The following SLC16A12 variants were observed in gnomAD, a reference collection of about 807,000 sequenced individuals.
SLC16A12 encodes monocarboxylate transporter 12.
In SLC16A12, 17 loss-of-function variants were observed where a neutral mutation model predicts 42.4. That is an observed-to-expected ratio of 0.40 (90% CI 0.27 to 0.60). The LOEUF (loss-of-function observed/expected upper bound fraction) is 0.60, where lower values mean the gene tolerates loss of function less well. Among genes scored for constraint, SLC16A12 ranks in the 20% least tolerant of loss-of-function variants. SLC16A12 has a pLI of 0.42. For missense variants in SLC16A12, 544 were observed against 623.0 expected (o/e 0.87, Z 1.35); for synonymous variants, 224 against 229.4 (o/e 0.98, Z 0.21).
At chr10:89,541,264 T>C (rs1045910053) in intron 2 of SLC16A12, among the ~76,000 whole-genome samples, 1 of 151,922 alleles carries the variant, frequency 6.6e-6, no homozygotes, top group African/African-American at 2.4e-5. Flanking sequence ...GCCTCAGATT[T>C]CTCATCTATA....
chr10:89,505,833 G>A (rs1843052145), intron 2 of SLC16A12, among the ~76,000 whole-genome samples: 1 of 152,210 alleles, frequency 6.6e-6, no homozygotes, highest in Non-Finnish European at 1.5e-5. Flanking sequence ...AGATCCATTG[G>A]CTTGAAATTC....
Position 89,462,380 on chromosome 10 carries a change from T to C in SLC16A12, c.199A>G (p.Arg67Gly). The C allele has an allele frequency of 6.2e-7, 1 of 1,614,010 alleles. No individual in the cohort carries two copies. Among genetic ancestry groups the C allele is most frequent in the Non-Finnish European group, 8.5e-7 (1 of 1,179,938 alleles). ...LVTICTRAVT[R>G]CISIFFVEFQ... is the part of the protein sequence containing the mutation. Reference sequence around the variant, plus strand: ...AGTTAAGAAGAAAATCCTACCTACCTTGTGACTGCCCGTGTGCAGATGGTA... The same window carrying C: ...AGTTAAGAAGAAAATCCTACCTACCCTGTGACTGCCCGTGTGCAGATGGTA... Residue 67 changes from arginine to glycine, a missense_variant and splice_region_variant, in exon 3 of 8, where the codon AGA (arginine) becomes GGA (glycine). Physicochemically the swap from Arg to Gly is moderately radical, Grantham distance 125. Transcript: ENST00000371790.
At chr10:89,467,863 G>C (rs1157294294) in intron 2 of SLC16A12, among the ~76,000 whole-genome samples, 1 of 152,116 alleles carries the variant, frequency 6.6e-6, no homozygotes, top group African/African-American at 2.4e-5. Flanking sequence ...ATCATTTATT[G>C]ATATGGCACA....
At chr10:89,528,872 T>C (rs1843497411) in intron 2 of SLC16A12, among the ~76,000 whole-genome samples, 1 of 152,170 alleles carries the variant, frequency 6.6e-6, no homozygotes, top group Admixed American at 6.5e-5. Flanking sequence ...TTCTAATGTG[T>C]AGGTGGGGTT....
intron 2 of SLC16A12, among the ~76,000 whole-genome samples, chr10:89,471,717 T>A (rs1842497722): frequency 6.6e-6 from 1 of 152,204 alleles, no homozygotes; most frequent in Non-Finnish European, 1.5e-5. Flanking sequence ...CAAACTTGTT[T>A]TTAAAGGTGG....
chr10:89,500,243 C>T (rs1312991573), intron 2 of SLC16A12, among the ~76,000 whole-genome samples: 1 of 152,156 alleles, frequency 6.6e-6, no homozygotes, highest in Non-Finnish European at 1.5e-5. Context: ...CCTGTTGACA[C>T]TATTCCACAA....
chr10:89,537,842 C>G (rs761773452), upstream of SLC16A12, among the ~76,000 whole-genome samples: 6 of 152,200 alleles, frequency 3.9e-5, no homozygotes, highest in African/African-American at 1.4e-4. Flanking sequence ...AAAGCTAATA[C>G]TGTGTTTATT....
intron 2 of SLC16A12, among the ~76,000 whole-genome samples, chr10:89,476,842 G>A (rs901069502): frequency 6.6e-6 from 1 of 152,196 alleles, no homozygotes; most frequent in Non-Finnish European, 1.5e-5. Context: ...TGCAAAGTGG[G>A]CCGCAGGAGG....
intron 2 of SLC16A12, among the ~76,000 whole-genome samples, chr10:89,549,352 G>A (rs145117104): frequency 2.7e-4 from 41 of 152,288 alleles, no homozygotes; most frequent in African/African-American, 8.4e-4. Flanking sequence ...TATATACAGT[G>A]CACTATTGTG....
chr10:89,547,703 A>C (rs745967156), intron 2 of SLC16A12, among the ~76,000 whole-genome samples: 2 of 152,212 alleles, frequency 1.3e-5, no homozygotes, highest in Non-Finnish European at 2.9e-5. Flanking sequence ...AAGAATTCAG[A>C]GAAGAGGTGG....
At chr10:89,469,278 A>C (rs1201150293) in intron 2 of SLC16A12, among the ~76,000 whole-genome samples, 2 of 152,220 alleles carry the variant, frequency 1.3e-5, no homozygotes, top group Admixed American at 1.3e-4. Flanking sequence ...GAATTACTAC[A>C]TGATGATGTT....
At chr10:89,435,693 A>G (rs907461759) in intron 7 of SLC16A12, among the ~76,000 whole-genome samples, 1 of 152,026 alleles carries the variant, frequency 6.6e-6, no homozygotes, top group Admixed American at 6.6e-5. Context: ...CAGCCTCATC[A>G]CCCACTGCCC....
chr10:89,477,896 C>T (rs1210460536), intron 2 of SLC16A12, among the ~76,000 whole-genome samples: 1 of 141,704 alleles, frequency 7.1e-6, no homozygotes, highest in South Asian at 2.6e-4. Context: ...CGATGAAGTC[C>T]CTCTGTTTAT....
At chr10:89,462,903 C>T (rs1454216847) in intron 2 of SLC16A12, 2 of 272,716 alleles carry the variant, frequency 7.3e-6, no homozygotes, top group Admixed American at 1.0e-4. Flanking sequence ...AAAGTGTAGT[C>T]TCCATGAAAG....
At chr10:89,539,859 TTC>T (rs1491485315), upstream of SLC16A12, among the ~76,000 whole-genome samples, 2 of 116,980 alleles carry the variant, frequency 1.7e-5, no homozygotes, top group African/African-American at 3.7e-5. Context: ...AAACAAATTT[TTC>T]TTTCTTTCTT....
upstream of SLC16A12, among the ~76,000 whole-genome samples, chr10:89,536,987 G>T (rs1469159199): frequency 6.6e-6 from 1 of 151,938 alleles, no homozygotes; most frequent in Non-Finnish European, 1.5e-5. Flanking sequence ...ACGGGCGCGT[G>T]CCACCACGCC....
At chr10:89,511,015 C>T (rs536683558) in intron 2 of SLC16A12, among the ~76,000 whole-genome samples, 15 of 152,298 alleles carry the variant, frequency 9.8e-5, no homozygotes, top group Admixed American at 2.0e-4. Context: ...AAATGCAAAT[C>T]AAAACCTCAA....
At chr10:89,500,727 G>A (rs939854542) in intron 2 of SLC16A12, among the ~76,000 whole-genome samples, 19 of 152,124 alleles carry the variant, frequency 1.2e-4, no homozygotes, top group African/African-American at 4.6e-4. Context: ...TTCCTGCTGA[G>A]AACTGGAACA....
At chr10:89,499,332 A>G (rs1300848964) in intron 2 of SLC16A12, among the ~76,000 whole-genome samples, 1 of 152,160 alleles carries the variant, frequency 6.6e-6, no homozygotes, top group African/African-American at 2.4e-5. Context: ...AGATGGGTGG[A>G]TCACCTGAGG....
Sources: gnomAD v4.1 joint callset for allele counts (sites outside exome capture counted in the v4.1 genomes callset) on GRCh38, gnomAD v4.1.1 for gene constraint, MANE v1.5 for transcripts, NCBI Gene and HGNC (gene_info 2026-07-23, HGNC 2026-07-21) for gene names.